Variants in UPF1 observed in about 807,000 individuals in gnomAD.
UPF1 encodes the protein regulator of nonsense transcripts 1.
Under a neutral mutation model 129.2 loss-of-function variants are expected in UPF1, and 9 were observed. That is an observed-to-expected ratio of 0.07 (90% CI 0.04 to 0.12). The LOEUF is 0.12. Ranked by LOEUF, UPF1 falls within the 10% of genes least tolerant of loss-of-function variation. UPF1 has a pLI of 1.00. For synonymous variants in UPF1, 649 were observed against 644.9 expected (o/e 1.01, Z -0.10); for missense variants, 788 against 1,525.3 (o/e 0.52, Z 8.05).
rs2238655 is a variant in UPF1 at position 18,853,633 on chromosome 19, C to T, written c.1156+283C>T. On this transcript the variant is annotated intron_variant, in intron 8 of 23. Transcript: ENST00000262803. This position sits in a 1 kb window ranked among gnomAD's most constrained non-coding sequence, Gnocchi z 4.4. ...GCTGACTCTGGAAGTTAATGTATGC[C>T]GCTTGTGTGGCACGTCCCTGGACTG... Among the ~76,000 whole-genome samples, 53,756 of 152,056 alleles carry T rather than the reference C, an allele frequency of 0.35. 10,244 individuals carry two copies. Among genetic ancestry groups the T allele is most frequent in the Admixed American group, 0.49 (7,456 of 15,258 alleles).
chr19:18,850,367 T>A lies in UPF1; in HGVS notation c.629+125T>A. 1 of 1,359,034 alleles carries A rather than the reference T, an allele frequency of 7.4e-7. No homozygotes were observed. The highest frequency in any genetic ancestry group is 9.9e-7 in the Non-Finnish European group (1 of 1,014,630). 84.2% of individuals were successfully genotyped at this position (1,359,034 alleles called of 1,614,324 possible). A position where few individuals can be genotyped will look rare whatever the true frequency, so the allele number is the denominator to read the frequency against. Reference sequence around the variant, plus strand: ...GGGAGTTGTCCTCCAAAGATGGTTTTTGCTGAAGGGTGAGGCATGAGAGCG... The same window carrying A: ...GGGAGTTGTCCTCCAAAGATGGTTTATGCTGAAGGGTGAGGCATGAGAGCG... On this transcript the variant is annotated intron_variant, in intron 4 of 23. Coordinates refer to ENST00000262803, the MANE Select transcript of UPF1 (RefSeq NM_002911.4). The surrounding 1 kb of genome is among the most constrained non-coding windows in gnomAD (Gnocchi z 7.1).
chr19:18,852,009 G>A, intron 5 of UPF1, 126 bp from the exon 6 acceptor site: 2 of 1,361,366 alleles, frequency 1.5e-6, no homozygotes, highest in Non-Finnish European at 1.9e-6. Flanking sequence ...ACCCCTCCAT[G>A]CCACCCACCG....
intron 19 of UPF1, 138 bp downstream of exon 19, chr19:18,863,750 G>GGGTGGGCTCTCCTAGGGGA: frequency 8.1e-7 from 1 of 1,229,832 alleles, no homozygotes; most frequent in East Asian, 2.6e-5. Context: ...TCCTAGGGGA[G>GGGTGGGCTCTCCTAGGGGA]GGTGGGCCAG....
Position 18,854,600 on chromosome 19 carries a change from G to T in UPF1, c.1157-1G>T. The stretch of plus-strand genomic sequence containing the variant: ...GGATGCAAACTTAACTCAGCACACA[G>T]ATTATGGCGATGAGATCGCCATTGA... On this transcript the variant is annotated splice_acceptor_variant, in intron 8 of 23. Transcript: ENST00000262803. LOFTEE classifies it high-confidence loss of function. 1 of 1,609,922 alleles carries T rather than the reference G, an allele frequency of 6.2e-7. No homozygotes were observed. The highest frequency in any genetic ancestry group is 8.5e-7 in the Non-Finnish European group (1 of 1,177,160).
At chr19:18,834,921 C>G (rs140487657) in intron 1 of UPF1, among the ~76,000 whole-genome samples, 1 of 152,286 alleles carries the variant, frequency 6.6e-6, no homozygotes, top group African/African-American at 2.4e-5. Flanking sequence ...CCTGCAGTCA[C>G]TTTTGCTTAG....
rs1241839091 is a variant in UPF1 at position 18,852,962 on chromosome 19, G to T, written c.973-25G>T. On this transcript the variant is annotated intron_variant, in intron 6 of 23. Coordinates refer to ENST00000262803, the MANE Select transcript of UPF1 (RefSeq NM_002911.4). The stretch of plus-strand genomic sequence containing the variant: ...CCGGGCCTGTGCTGGAGGCTAACCG[G>T]GGCTCTTGTTTTTCATGTGCTCAGA... 4 of 1,602,228 alleles carry T rather than the reference G, an allele frequency of 2.5e-6. No individual in the cohort carries two copies. In the African/African-American group the frequency reaches 5.4e-5, roughly 22 times the overall value.
Position 18,850,585 on chromosome 19 carries a change from G to A in UPF1, c.630-103G>A, listed in dbSNP as rs772714780. On this transcript the variant is annotated intron_variant, in intron 4 of 23. Coordinates refer to ENST00000262803, the MANE Select transcript of UPF1 (RefSeq NM_002911.4). The surrounding 1 kb of genome is among the most constrained non-coding windows in gnomAD (Gnocchi z 7.1). ...TAATGTGATCACATAATAAAATGCA[G>A]GGCATGCCCCTTTGGGTGAAAGGTC... 38 of 1,317,238 alleles carry A rather than the reference G, an allele frequency of 2.9e-5. No individual in the cohort carries two copies. In the African/African-American group the frequency reaches 5.2e-4, roughly 18 times the overall value. The allele number at this position is 1,317,238 out of a possible 1,614,324, so 81.6% of individuals were successfully genotyped here. A position where few individuals can be genotyped will look rare whatever the true frequency, so the allele number is the denominator to read the frequency against.
intron 1 of UPF1, among the ~76,000 whole-genome samples, chr19:18,842,788 T>C (rs2055555001): frequency 1.3e-5 from 2 of 151,744 alleles, no homozygotes; most frequent in Admixed American, 1.3e-4. Flanking sequence ...TCACCTGAGG[T>C]TGGGAGTTCG....
At chr19:18,844,942 T>G (rs1485414591) in intron 1 of UPF1, among the ~76,000 whole-genome samples, 1 of 152,274 alleles carries the variant, frequency 6.6e-6, no homozygotes, top group Non-Finnish European at 1.5e-5. Context: ...CAGGGCAGCA[T>G]TGGGCCCAGT....
rs886308249 is a variant in UPF1 at position 18,851,019 on chromosome 19, C to T, written c.810+151C>T. ...CCTCTGCCACCTCTACGTGGAATGA[C>T]CTCAGGGCACCTTGGTCACCTTCCA... On this transcript the variant is annotated intron_variant, in intron 5 of 23. Coordinates refer to ENST00000262803, the MANE Select transcript of UPF1 (RefSeq NM_002911.4). The surrounding 1 kb of genome is among the most constrained non-coding windows in gnomAD (Gnocchi z 4.2). 8 of 926,590 alleles carry T rather than the reference C, an allele frequency of 8.6e-6. No homozygotes were observed. In the African/African-American group the frequency reaches 1.2e-4, roughly 14 times the overall value. The allele number at this position is 926,590 out of a possible 1,614,324, so 57.4% of individuals were successfully genotyped here.
At position 18,865,457 on chromosome 19, in the gene UPF1, A is replaced by G. The variant is rs1442499103; in HGVS notation, c.3019+7A>G. 6.2e-7 allele frequency: 1 copy of G among 1,612,690 alleles called. No individual in the cohort carries two copies. The highest frequency in any genetic ancestry group is 1.7e-5 in the Admixed American group (1 of 60,012). ...GCCAACGGGCCTGCTGCAGGTGAGC[A>G]TCTGTGGCTGCGGCTGGGTGTGGCC... On this transcript the variant is annotated splice_region_variant and intron_variant, in intron 21 of 23. Transcript: ENST00000262803. This position sits in a 1 kb window ranked among gnomAD's most constrained non-coding sequence, Gnocchi z 6.1.
chr19:18,866,275 C>T (rs73923173), intron 23 of UPF1, 109 bp downstream of exon 23: 6 of 1,420,186 alleles, frequency 4.2e-6, no homozygotes, highest in Non-Finnish European at 4.6e-6. Flanking sequence ...GAAATGTGTG[C>T]TGTGCCTGGT....
In UPF1 at chr19:18,867,544, C is replaced by T. The variant is rs141504239; in HGVS notation, c.*1027C>T. The T allele has an allele frequency of 5.0e-3, 763 of 152,344 alleles. 5 individuals are homozygous for T. The highest frequency in any genetic ancestry group is 0.014 in the Middle Eastern group (4 of 294). 9.4% of individuals were successfully genotyped at this position (152,344 alleles called of 1,614,324 possible). A position where few individuals can be genotyped will look rare whatever the true frequency, so the allele number is the denominator to read the frequency against. ...GGACAAGAGGGCCTGTCCCTGTCCCCGTCCCCAGGAGGTACCGACAGTCCC... is the reference window on the plus strand; with the variant it reads ...GGACAAGAGGGCCTGTCCCTGTCCCTGTCCCCAGGAGGTACCGACAGTCCC... On this transcript the variant is annotated 3_prime_UTR_variant, in exon 24 of 24. Coordinates refer to ENST00000262803, the MANE Select transcript of UPF1 (RefSeq NM_002911.4).
At position 18,866,172 on chromosome 19, in the gene UPF1, C is replaced by A. The variant is rs199967379; in HGVS notation, c.*3+6C>A. 1.3e-6 allele frequency: 2 copies of A among 1,584,986 alleles called. No homozygotes were observed. Among genetic ancestry groups the A allele is most frequent in the South Asian group, 2.3e-5 (2 of 88,080 alleles). On this transcript the variant is annotated splice_donor_region_variant and intron_variant, in intron 23 of 23. Coordinates refer to ENST00000262803, the MANE Select transcript of UPF1 (RefSeq NM_002911.4). ...GGCTGTCCCAGTATTAAAAGGCAAG[C>A]CCCCCTGGAGCAGGCCTGGCCCCAC...
intron 15 of UPF1, among the ~76,000 whole-genome samples, 191 bp downstream of exon 15, chr19:18,857,724 TG>T (rs2055733889): frequency 1.3e-5 from 2 of 152,214 alleles, no homozygotes; most frequent in South Asian, 4.1e-4. Context: ...CTGGGGCATG[TG>T]GGGAGCCTGT....
At position 18,857,397 on chromosome 19, in the gene UPF1, G is replaced by T; in HGVS notation, c.2046G>T (p.Gln682His). The change falls in exon 15 of 24, where the codon CAG (glutamine) becomes CAT (histidine). Residue 682 changes from glutamine to histidine, a missense_variant. Transcript: ENST00000262803. ...CKKAAKAGLS[Q>H]SLFERLVVLG... ...AGGCGGCCAAGGCCGGGCTGTCACA[G>T]TCGCTCTTCGAGCGCCTGGTGGTGC... The T allele has an allele frequency of 6.2e-7, 1 of 1,613,518 alleles. No homozygotes were observed. Among genetic ancestry groups the T allele is most frequent in the Non-Finnish European group, 8.5e-7 (1 of 1,180,030 alleles).
At chr19:18,864,060 G>A in intron 19 of UPF1, 110 bp from the exon 20 acceptor site, 1 of 941,768 alleles carries the variant, frequency 1.1e-6, no homozygotes, top group Admixed American at 1.8e-5. Context: ...CCCTGGCACA[G>A]TGTCAACACC....
chr19:18,857,384 C>G lies in UPF1; in HGVS notation c.2033C>G (p.Ala678Gly). 1 of 1,613,460 alleles carries G rather than the reference C, an allele frequency of 6.2e-7. No homozygotes were observed. Among genetic ancestry groups the G allele is most frequent in the Non-Finnish European group, 8.5e-7 (1 of 1,180,026 alleles). ...GTGATGTGCAAGAAGGCGGCCAAGG[C>G]CGGGCTGTCACAGTCGCTCTTCGAG... Reference protein sequence around the residue: ...PVVMCKKAAKAGLSQSLFERL... With the variant: ...PVVMCKKAAKGGLSQSLFERL... Residue 678 changes from alanine (A) to glycine (G), a missense_variant, in exon 15 of 24, where the codon GCC becomes GGC. Coordinates refer to ENST00000262803, the MANE Select transcript of UPF1 (RefSeq NM_002911.4).
At chr19:18,835,184 AATCAT>A (rs1300425714) in intron 1 of UPF1, among the ~76,000 whole-genome samples, 3 of 152,122 alleles carry the variant, frequency 2.0e-5, no homozygotes, top group Non-Finnish European at 4.4e-5. Context: ...ACATCAACGG[AATCAT>A]ATCATATATG....
Sources: gnomAD v4.1 joint callset for allele counts (sites outside exome capture counted in the v4.1 genomes callset) on GRCh38, gnomAD v4.1.1 for gene constraint, Gnocchi (gnomAD v3.1) non-coding constraint, MANE v1.5 for transcripts, NCBI Gene and HGNC (gene_info 2026-07-23, HGNC 2026-07-21) for gene names.